Variants in DISP1 observed in about 807,000 individuals in gnomAD.
The protein encoded by DISP1 is dispatched RND transporter family member 1.
Under a neutral mutation model 37.3 loss-of-function variants are expected in DISP1, and 30 were observed. The ratio of observed to expected loss-of-function variants is 0.80; its 90% CI spans 0.60 to 1.09. The LOEUF (loss-of-function observed/expected upper bound fraction) is 1.09, where lower values mean the gene tolerates loss of function less well. DISP1 is among the 50% of genes least tolerant of loss of function. The pLI is 0.00. For missense variants in DISP1, 1,598 were observed against 1,879.5 expected, an observed-to-expected ratio of 0.85 and a Z score of 2.77; for synonymous variants, 634 against 690.2, an observed-to-expected ratio of 0.92 and a Z score of 1.28.
chr1:222,975,738 G>A (rs944398645), intron 3 of DISP1, among the ~76,000 whole-genome samples: 1 of 152,162 alleles, frequency 6.6e-6, no homozygotes, highest in East Asian at 1.9e-4. Flanking sequence ...CTGTAGCCAA[G>A]GTTCTCAACT....
intron 4 of DISP1, among the ~76,000 whole-genome samples, chr1:222,985,076 A>G (rs1352765588): frequency 6.6e-6 from 1 of 152,188 alleles, no homozygotes; most frequent in African/African-American, 2.4e-5. Context: ...AAAATGAGGG[A>G]AAGAGGTATG....
intron 2 of DISP1, among the ~76,000 whole-genome samples, chr1:222,935,927 G>A (rs886792069): frequency 7.9e-5 from 12 of 152,122 alleles, no homozygotes; most frequent in Non-Finnish European, 1.6e-4. Context: ...ACAGTCATGT[G>A]CCACATAAAG....
chr1:222,821,809 G>A (rs1662999842), intron 1 of DISP1, among the ~76,000 whole-genome samples: 1 of 151,386 alleles, frequency 6.6e-6, no homozygotes, highest in African/African-American at 2.4e-5. Context: ...AACTTGGGAG[G>A]CGGAGCCTGC....
intron 1 of DISP1, among the ~76,000 whole-genome samples, chr1:222,820,596 A>G (rs374453639): frequency 6.6e-6 from 1 of 152,208 alleles, no homozygotes; most frequent in Non-Finnish European, 1.5e-5. Context: ...GAAGCTTGCC[A>G]GGTTTCAGGC....
In DISP1 at chr1:222,886,157, C is replaced by A. The variant is rs538438053; in HGVS notation, c.-158-42273C>A. Among the ~76,000 whole-genome samples the A allele has an allele frequency of 2.6e-5, 4 of 152,292 alleles. No individual in the cohort carries two copies. The East Asian group carries it at 7.7e-4, about 29-fold the overall frequency. On this transcript the variant is annotated intron_variant, in intron 1 of 8. Transcript: ENST00000675850. ...CACGTTTCCAACTCAGATAATGGAG[C>A]TCATACACAAATTCCTTTTATACTT...
chr1:222,971,892 G>C (rs548221047), intron 3 of DISP1, among the ~76,000 whole-genome samples: 1 of 152,068 alleles, frequency 6.6e-6, no homozygotes, highest in East Asian at 1.9e-4. Flanking sequence ...ATAAAATTTT[G>C]AAAGTGAGAA....
At chr1:222,986,587 C>G in intron 4 of DISP1, among the ~76,000 whole-genome samples, 1 of 152,228 alleles carries the variant, frequency 6.6e-6, no homozygotes, top group South Asian at 2.1e-4. Flanking sequence ...GAACGCCAGG[C>G]AGCATGCCTG....
chr1:222,996,645 C>A (rs1488824443), intron 8 of DISP1, among the ~76,000 whole-genome samples: 1 of 152,150 alleles, frequency 6.6e-6, no homozygotes, highest in Non-Finnish European at 1.5e-5. Context: ...TACATTATTT[C>A]ATTTAATCCC....
At position 222,824,594 on chromosome 1, in the gene DISP1, A is replaced by G. The variant is rs115763116; in HGVS notation, c.-159+9516A>G. On this transcript the variant is annotated intron_variant, in intron 1 of 8. Coordinates refer to ENST00000675850, the MANE Select transcript of DISP1 (RefSeq NM_001377229.1). Reference sequence around the variant, plus strand: ...TTTTATTTTCCATTTGTTCCACTTTAAGTATTTGTTAAATGTAATTCTTTT... The same window carrying G: ...TTTTATTTTCCATTTGTTCCACTTTGAGTATTTGTTAAATGTAATTCTTTT... Among the ~76,000 whole-genome samples the G allele has an allele frequency of 8.3e-3, 1,255 of 151,678 alleles. 19 individuals are homozygous for G. Among genetic ancestry groups the G allele is most frequent in the African/African-American group, 0.029 (1,179 of 41,002 alleles).
At chr1:222,926,388 C>T (rs1673086697) in intron 1 of DISP1, among the ~76,000 whole-genome samples, 2 of 152,080 alleles carry the variant, frequency 1.3e-5, no homozygotes, top group Non-Finnish European at 2.9e-5. Context: ...TATTCATGTA[C>T]AGGTTTTTGT....
At chr1:222,835,678 G>A (rs1666846352) in intron 1 of DISP1, among the ~76,000 whole-genome samples, 1 of 152,142 alleles carries the variant, frequency 6.6e-6, no homozygotes, top group Admixed American at 6.5e-5. Context: ...GTGGCTGGAT[G>A]CGGTGGCTCA....
chr1:222,872,615 A>G (rs1483752482), intron 1 of DISP1, among the ~76,000 whole-genome samples: 1 of 152,072 alleles, frequency 6.6e-6, no homozygotes, highest in Admixed American at 6.6e-5. Context: ...GAGATCAGTG[A>G]TGATATCCCC....
chr1:222,988,606 CT>C (rs1678446913), intron 4 of DISP1, among the ~76,000 whole-genome samples: 1 of 149,518 alleles, frequency 6.7e-6, no homozygotes, highest in Non-Finnish European at 1.5e-5. Flanking sequence ...TCCTTTCTCT[CT>C]CTTCTCTTTC....
chr1:222,836,754 T>C (rs1031523804), intron 1 of DISP1, among the ~76,000 whole-genome samples: 35 of 147,776 alleles, frequency 2.4e-4, no homozygotes, highest in Admixed American at 8.7e-4. Context: ...TATATATATA[T>C]ATATATATAC....
intron 1 of DISP1, among the ~76,000 whole-genome samples, chr1:222,902,907 T>A (rs1452759893): frequency 6.6e-6 from 1 of 151,546 alleles, no homozygotes; most frequent in Non-Finnish European, 1.5e-5. Context: ...TCCTCAGGGA[T>A]CTAGAACTAG....
intron 3 of DISP1, among the ~76,000 whole-genome samples, chr1:222,958,322 G>T (rs1675780232): frequency 6.6e-6 from 1 of 152,086 alleles, no homozygotes; most frequent in African/African-American, 2.4e-5. Flanking sequence ...CTAATCAATA[G>T]CCATTGAATG....
In DISP1 at chr1:223,003,169, C is replaced by T. The variant is rs2102798420; in HGVS notation, c.1772C>T (p.Ala591Val). The T allele has an allele frequency of 6.2e-7, 1 of 1,614,212 alleles. No homozygotes were observed. The highest frequency in any genetic ancestry group is 1.6e-4 in the Middle Eastern group (1 of 6,062). ...TACACAAAATTTGATAAGCCTCATG[C>T]CGAAACCTCAGAAACAGTAAGCATC... is the stretch of plus-strand genomic sequence containing the variant. ...WNYTKFDKPHAETSETVSITL... is the reference protein window; with the variant it reads ...WNYTKFDKPHVETSETVSITL... The change falls in exon 9 of 9, where the codon GCC (alanine) becomes GTC (valine). Residue 591 changes from alanine to valine, a missense_variant. Coordinates refer to ENST00000675850, the MANE Select transcript of DISP1 (RefSeq NM_001377229.1). The surrounding 1 kb of genome is among the most constrained non-coding windows in gnomAD (Gnocchi z 4.3).
At chr1:222,979,544 C>A in intron 3 of DISP1, 1 of 465,470 alleles carries the variant, frequency 2.1e-6, no homozygotes, top group South Asian at 1.6e-5. Context: ...TGAATTATAT[C>A]TCAATAAAAC....
chr1:222,902,579 A>C (rs1265934024), intron 1 of DISP1, among the ~76,000 whole-genome samples: 1 of 152,158 alleles, frequency 6.6e-6, no homozygotes, highest in Non-Finnish European at 1.5e-5. Context: ...AATATCCAGA[A>C]TCTACAATGA....
Sources: gnomAD v4.1 joint callset for allele counts (sites outside exome capture counted in the v4.1 genomes callset) on GRCh38, gnomAD v4.1.1 for gene constraint, Gnocchi (gnomAD v3.1) non-coding constraint, MANE v1.5 for transcripts, NCBI Gene and HGNC (gene_info 2026-07-23, HGNC 2026-07-21) for gene names.